TBC1D9: variants seen among roughly 807,000 people sequenced by gnomAD.
The protein encoded by TBC1D9 is TBC1 domain family member 9.
In TBC1D9, 63 loss-of-function variants were observed where a neutral mutation model predicts 132.0. That is an observed-to-expected ratio of 0.48 (90% confidence interval 0.39 to 0.59). The LOEUF (loss-of-function observed/expected upper bound fraction) is 0.59, where lower values mean the gene tolerates loss of function less well. Ranked by LOEUF, TBC1D9 falls within the 20% of genes least tolerant of loss-of-function variation. TBC1D9 has a pLI of 0.00. For synonymous variants in TBC1D9, 610 were observed against 609.9 expected (o/e 1.00, Z 0.00); for missense variants, 1,261 against 1,592.7 (o/e 0.79, Z 3.54).
intron 13 of TBC1D9, chr4:140,641,876 CCA>C: frequency 2.7e-6 from 1 of 369,290 alleles, no homozygotes. Context: ...TCCCGTGCGC[CCA>C]CTCGCTTCCT....
chr4:140,703,423 G>A (rs879575732), intron 1 of TBC1D9, among the ~76,000 whole-genome samples: 23 of 152,194 alleles, frequency 1.5e-4, no homozygotes, highest in Non-Finnish European at 2.8e-4. Context: ...CACGGAAGGA[G>A]CCATAATCTA....
intron 20 of TBC1D9, 44 bp downstream of exon 20, chr4:140,624,071 GA>G (rs781039667): frequency 3.9e-5 from 56 of 1,453,596 alleles, no homozygotes; most frequent in Admixed American, 2.9e-4. Context: ...ATAGAAAAAA[GA>G]GTGTCCAGGT....
At position 140,749,824 on chromosome 4, in the gene TBC1D9, A is replaced by G. The variant is rs1056559189; in HGVS notation, c.130+6092T>C. Among the ~76,000 whole-genome samples, 4 of 152,322 alleles carry G rather than the reference A, an allele frequency of 2.6e-5. No individual in the cohort carries two copies. In the East Asian group the frequency reaches 5.8e-4, roughly 22 times the overall value. Reference sequence around the variant, plus strand: ...CTAACCAAATAAATCTATTCTAACCATAAGAATGAGACAAAAGCAATTCTG... The same window carrying G: ...CTAACCAAATAAATCTATTCTAACCGTAAGAATGAGACAAAAGCAATTCTG... On this transcript the variant is annotated intron_variant, in intron 1 of 20. Coordinates refer to ENST00000442267, the MANE Select transcript of TBC1D9 (RefSeq NM_015130.3).
At chr4:140,744,802 G>A (rs1738812539) in intron 1 of TBC1D9, among the ~76,000 whole-genome samples, 1 of 147,110 alleles carries the variant, frequency 6.8e-6, no homozygotes, top group Non-Finnish European at 1.5e-5. Context: ...AGAATCGCTT[G>A]AACCTGGGAG....
In TBC1D9 at chr4:140,657,084, A is replaced by G; in HGVS notation, c.2337+13T>C. 2 of 1,612,734 alleles carry G rather than the reference A, an allele frequency of 1.2e-6. No individual in the cohort carries two copies. Among genetic ancestry groups the G allele is most frequent in the Non-Finnish European group, 1.7e-6 (2 of 1,179,518 alleles). On this transcript the variant is annotated intron_variant, in intron 13 of 20. Transcript: ENST00000442267. ...CATGGTTAAGCCCTGCTCAGCCAGGAGACAAGACCTACCTCGTAGGAAGTT... is the reference window on the plus strand; with the variant it reads ...CATGGTTAAGCCCTGCTCAGCCAGGGGACAAGACCTACCTCGTAGGAAGTT...
Position 140,622,584 on chromosome 4 carries a change from AGTCCTCCAGCTTGAT to A in TBC1D9, c.3397_3411del (p.Ile1133_Asp1137del), listed in dbSNP as rs1395208734. On this transcript the variant is annotated inframe_deletion, in exon 21 of 21. Transcript: ENST00000442267. ...CAGGCCCCGTTGTCCCGGGGCGAGG[AGTCCTCCAGCTTGAT>A]GTCCTCCATTTGTCCTCCAAGGGAG... 3 of 1,613,898 alleles carry A rather than the reference AGTCCTCCAGCTTGAT, an allele frequency of 1.9e-6. No homozygotes were observed. The highest frequency in any genetic ancestry group is 2.5e-6 in the Non-Finnish European group (3 of 1,179,904).
rs1175763312 is a variant in TBC1D9 at position 140,657,518 on chromosome 4, G to C, written c.2207+9C>G. Reference sequence around the variant, plus strand: ...GAGATGGTTTTCAAAGTTAGGCTTAGTACAATACCTTCCCAAAACGGTCAT... The same window carrying C: ...GAGATGGTTTTCAAAGTTAGGCTTACTACAATACCTTCCCAAAACGGTCAT... On this transcript the variant is annotated intron_variant, in intron 12 of 20. Transcript: ENST00000442267. The C allele has an allele frequency of 6.2e-7, 1 of 1,609,944 alleles. No homozygotes were observed. Among genetic ancestry groups the C allele is most frequent in the Non-Finnish European group, 8.5e-7 (1 of 1,177,746 alleles).
intron 1 of TBC1D9, among the ~76,000 whole-genome samples, chr4:140,702,617 T>G (rs890944334): frequency 6.6e-6 from 1 of 152,232 alleles, no homozygotes; most frequent in Non-Finnish European, 1.5e-5. Context: ...ACAAGGATTC[T>G]GACAGCTTCA....
At chr4:140,638,141 G>A (rs917936584) in intron 15 of TBC1D9, among the ~76,000 whole-genome samples, 8 of 152,210 alleles carry the variant, frequency 5.3e-5, no homozygotes, top group South Asian at 2.1e-4. Context: ...TTTTATGTTC[G>A]TTTCTATTTC....
intron 1 of TBC1D9, among the ~76,000 whole-genome samples, chr4:140,741,320 G>A (rs1738755040): frequency 6.6e-6 from 1 of 152,154 alleles, no homozygotes; most frequent in African/African-American, 2.4e-5. Context: ...ATCTCTTGTG[G>A]GGGAAATCTA....
rs1195253799 is a variant in TBC1D9 at position 140,678,887 on chromosome 4, ATGAG to A, written c.851+51_851+54del. 5 of 1,575,506 alleles carry A rather than the reference ATGAG, an allele frequency of 3.2e-6. No homozygotes were observed. The Admixed American group carries it at 6.9e-5, about 22-fold the overall frequency. On this transcript the variant is annotated intron_variant, in intron 5 of 20. Coordinates refer to ENST00000442267, the MANE Select transcript of TBC1D9 (RefSeq NM_015130.3). ...AGAGAAGGTTACACTGAATAAATGA[ATGAG>A]TGAGTTTCTCATTTCTAAAGTCTGG...
chr4:140,737,956 A>G (rs1738701060), intron 1 of TBC1D9, among the ~76,000 whole-genome samples: 1 of 152,208 alleles, frequency 6.6e-6, no homozygotes, highest in South Asian at 2.1e-4. Context: ...ACCTCCTGAA[A>G]TTGCTACCAG....
At chr4:140,723,871 T>C (rs1477210372) in intron 1 of TBC1D9, among the ~76,000 whole-genome samples, 1 of 151,980 alleles carries the variant, frequency 6.6e-6, no homozygotes, top group Non-Finnish European at 1.5e-5. Context: ...GCCTCCTGAG[T>C]AGCTTGGACT....
At chr4:140,689,642 T>A (rs1239136079) in intron 2 of TBC1D9, among the ~76,000 whole-genome samples, 2 of 9,506 alleles carry the variant, frequency 2.1e-4, no homozygotes, top group Admixed American at 1.6e-3. Context: ...CCCTTCCCTC[T>A]CCCCCCCTCT....
At chr4:140,635,638 C>T (rs1736867934) in intron 15 of TBC1D9, among the ~76,000 whole-genome samples, 1 of 152,198 alleles carries the variant, frequency 6.6e-6, no homozygotes, top group South Asian at 2.1e-4. Flanking sequence ...AATGTCTTTT[C>T]ACAATTGTTT....
chr4:140,708,103 G>A (rs1738175583), intron 1 of TBC1D9, among the ~76,000 whole-genome samples: 1 of 152,028 alleles, frequency 6.6e-6, no homozygotes, highest in South Asian at 2.1e-4. Context: ...TATTTATAAT[G>A]TGGACCACAA....
At chr4:140,651,239 C>T (rs913628646) in intron 13 of TBC1D9, among the ~76,000 whole-genome samples, 6 of 152,136 alleles carry the variant, frequency 3.9e-5, no homozygotes, top group African/African-American at 1.2e-4. Context: ...GAGGCCAAGG[C>T]GGGCAGATCA....
chr4:140,683,967 T>G (rs1473848499), intron 3 of TBC1D9, among the ~76,000 whole-genome samples: 2 of 152,218 alleles, frequency 1.3e-5, no homozygotes, highest in African/African-American at 4.8e-5. Context: ...CTAAGGTGAC[T>G]TCTAGAAAGA....
intron 9 of TBC1D9, among the ~76,000 whole-genome samples, chr4:140,665,109 GA>G (rs373062026): frequency 0.022 from 1,309 of 60,176 alleles, 13 homozygotes; most frequent in African/African-American, 0.066. Context: ...TCAGTCTCCA[GA>G]AAAAAAAAAA....
Sources: gnomAD v4.1 joint callset for allele counts (sites outside exome capture counted in the v4.1 genomes callset) on GRCh38, gnomAD v4.1.1 for gene constraint, MANE v1.5 for transcripts, NCBI Gene and HGNC (gene_info 2026-07-23, HGNC 2026-07-21) for gene names.